Variants in INVS observed in about 807,000 individuals in gnomAD.
The protein encoded by INVS is inversin.
A neutral mutation model predicts 108.8 loss-of-function variants in INVS; 86 were observed. The ratio of observed to expected loss-of-function variants is 0.79; its 90% confidence interval spans 0.66 to 0.95. The LOEUF (loss-of-function observed/expected upper bound fraction) is 0.95, where lower values mean the gene tolerates loss of function less well. INVS is among the 40% of genes least tolerant of loss of function. The pLI, the probability that INVS is intolerant of heterozygous loss-of-function variation, is 0.00. For synonymous variants in INVS, 455 were observed against 473.5 expected (o/e 0.96, Z 0.51); for missense variants, 1,169 against 1,297.4 (o/e 0.90, Z 1.52).
At chr9:100,136,408 C>T (rs547541006) in intron 3 of INVS, among the ~76,000 whole-genome samples, 8 of 152,066 alleles carry the variant, frequency 5.3e-5, no homozygotes, top group Non-Finnish European at 7.4e-5. Context: ...ATTATTTCAT[C>T]CATAAATATT....
At chr9:100,274,772 T>G (rs1016797748) in intron 12 of INVS, among the ~76,000 whole-genome samples, 2 of 152,060 alleles carry the variant, frequency 1.3e-5, no homozygotes, top group African/African-American at 4.8e-5. Flanking sequence ...CCCAAAATGC[T>G]GGGACTACAG....
At chr9:100,202,516 T>C (rs1382284948) in intron 3 of INVS, among the ~76,000 whole-genome samples, 3 of 152,194 alleles carry the variant, frequency 2.0e-5, no homozygotes, top group African/African-American at 7.2e-5. Context: ...ATTTCTTTAT[T>C]TCCTATCAAA....
intron 3 of INVS, among the ~76,000 whole-genome samples, chr9:100,207,581 C>G (rs1004952285): frequency 1.3e-5 from 2 of 152,196 alleles, no homozygotes; most frequent in Non-Finnish European, 2.9e-5. Context: ...GTGTGACCCA[C>G]TGTGCACAGC....
intron 3 of INVS, among the ~76,000 whole-genome samples, chr9:100,209,639 G>A (rs560180353): frequency 6.6e-6 from 1 of 151,818 alleles, no homozygotes; most frequent in Non-Finnish European, 1.5e-5. Context: ...GCGTGGTGGT[G>A]GGCGCCTGTA....
intron 3 of INVS, among the ~76,000 whole-genome samples, chr9:100,139,686 A>T (rs1431110316): frequency 6.6e-6 from 1 of 152,196 alleles, no homozygotes; most frequent in African/African-American, 2.4e-5. Flanking sequence ...TTTGTCACCC[A>T]GGCTGGAGTG....
chr9:100,270,990 T>C (rs1832940057), intron 11 of INVS, among the ~76,000 whole-genome samples: 1 of 151,922 alleles, frequency 6.6e-6, no homozygotes, highest in South Asian at 2.1e-4. Context: ...CATTTGAGAT[T>C]CAAATATACA....
intron 10 of INVS, among the ~76,000 whole-genome samples, chr9:100,256,275 T>C (rs1832417474): frequency 6.6e-6 from 1 of 152,240 alleles, no homozygotes; most frequent in Non-Finnish European, 1.5e-5. Context: ...CTTTATCATT[T>C]TTTATTGCAT....
chr9:100,299,740 GAA>G (rs1833908986), intron 16 of INVS, among the ~76,000 whole-genome samples: 1 of 151,554 alleles, frequency 6.6e-6, no homozygotes, highest in African/African-American at 2.4e-5. Context: ...CCATTCCAGT[GAA>G]TGGAATAACT....
intron 3 of INVS, among the ~76,000 whole-genome samples, chr9:100,210,139 C>T (rs1328578261): frequency 6.6e-6 from 1 of 152,140 alleles, no homozygotes; most frequent in Non-Finnish European, 1.5e-5. Context: ...TACCGTGTGT[C>T]CTTACCTCTA....
intron 3 of INVS, among the ~76,000 whole-genome samples, chr9:100,179,210 C>T (rs765390177): frequency 3.9e-5 from 6 of 152,182 alleles, no homozygotes; most frequent in Admixed American, 2.0e-4. Context: ...ACCATCGACA[C>T]TGTGAAGAAA....
intron 3 of INVS, among the ~76,000 whole-genome samples, chr9:100,225,674 G>T (rs1201132156): frequency 6.6e-6 from 1 of 151,942 alleles, no homozygotes; most frequent in East Asian, 1.9e-4. Flanking sequence ...CCAACAATTT[G>T]GTTCCTGATA....
At chr9:100,148,725 A>G (rs1828709921) in intron 3 of INVS, among the ~76,000 whole-genome samples, 1 of 152,212 alleles carries the variant, frequency 6.6e-6, no homozygotes, top group Non-Finnish European at 1.5e-5. Context: ...AACATTTTAA[A>G]TGAAGAATAT....
intron 12 of INVS, among the ~76,000 whole-genome samples, chr9:100,277,437 C>T (rs2118692116): frequency 6.6e-6 from 1 of 152,292 alleles, no homozygotes; most frequent in East Asian, 1.9e-4. Flanking sequence ...TCATGCCATT[C>T]CACTTCTCTG....
chr9:100,211,358 A>G (rs1359713429), intron 3 of INVS, among the ~76,000 whole-genome samples: 1 of 152,190 alleles, frequency 6.6e-6, no homozygotes, highest in African/African-American at 2.4e-5. Context: ...AGTTTCCTAT[A>G]TATAAAAGGC....
chr9:100,193,204 T>C (rs1830276817), intron 3 of INVS, among the ~76,000 whole-genome samples: 3 of 152,102 alleles, frequency 2.0e-5, no homozygotes, highest in Admixed American at 2.0e-4. Flanking sequence ...GGTCTTATAC[T>C]GCTGGCCATG....
At chr9:100,218,929 A>G (rs533533714) in intron 3 of INVS, among the ~76,000 whole-genome samples, 7 of 152,304 alleles carry the variant, frequency 4.6e-5, no homozygotes, top group African/African-American at 1.4e-4. Context: ...GCTGGGTGGA[A>G]GATGCTCTAT....
In INVS at chr9:100,292,310, T is replaced by G; in HGVS notation, c.2069-16T>G. 1 of 1,608,754 alleles carries G rather than the reference T, an allele frequency of 6.2e-7. No homozygotes were observed. Reference sequence around the variant, plus strand: ...TCTGCAAGTTTTGGACAATATTTTTTCTTTGTTTCCTCAAGAAACAGCCAG... The same window carrying G: ...TCTGCAAGTTTTGGACAATATTTTTGCTTTGTTTCCTCAAGAAACAGCCAG... On this transcript the variant is annotated splice_polypyrimidine_tract_variant and intron_variant, in intron 13 of 16. Transcript: ENST00000262457.
At position 100,252,972 on chromosome 9, in the gene INVS, G is replaced by A; in HGVS notation, c.1300G>A (p.Gly434Arg). 6.2e-7 allele frequency: 1 copy of A among 1,613,896 alleles called. No homozygotes were observed. The highest frequency in any genetic ancestry group is 8.5e-7 in the Non-Finnish European group (1 of 1,179,870). Residue 434 changes from glycine to arginine, a missense_variant, in exon 10 of 17, where the codon GGA (glycine) becomes AGA (arginine). Gly to Arg is a moderately radical substitution (Grantham distance 125, BLOSUM62 -2). Transcript: ENST00000262457. Reference protein sequence around the residue: ...HSLLHWAALGGNADVCQILIE... With the variant: ...HSLLHWAALGRNADVCQILIE... ...TCTTCTACATTGGGCAGCACTGGGA[G>A]GAAATGCTGATGTTTGCCAGATATT...
rs755785997 is a variant in INVS at position 100,292,320 on chromosome 9, C to G, written c.2069-6C>G. 6.2e-7 allele frequency: 1 copy of G among 1,612,112 alleles called. No homozygotes were observed. The highest frequency in any genetic ancestry group is 1.1e-5 in the South Asian group (1 of 91,052). On this transcript the variant is annotated splice_polypyrimidine_tract_variant and splice_region_variant and intron_variant, in intron 13 of 16. Transcript: ENST00000262457. ...TTGGACAATATTTTTTCTTTGTTTC[C>G]TCAAGAAACAGCCAGAGAACATTCT...
Sources: allele counts gnomAD v4.1 joint callset (sites outside exome capture counted in the v4.1 genomes callset), GRCh38; gene constraint gnomAD v4.1.1; transcripts MANE v1.5; gene names NCBI Gene and HGNC (gene_info 2026-07-23, HGNC 2026-07-21).